The following HMGB1 variants were observed in gnomAD, a reference collection of about 807,000 sequenced individuals.
HMGB1 encodes the protein high mobility group box 1.
For synonymous variants in HMGB1, 81 were observed against 84.0 expected, an observed-to-expected ratio of 0.96 and a Z score of 0.19; for missense variants, 79 against 253.5, an observed-to-expected ratio of 0.31 and a Z score of 4.67.
In HMGB1 at chr13:30,539,088, G is replaced by A. The variant is rs187755354; in HGVS notation, c.-14-75394C>T. On this transcript the variant is annotated intron_variant, in intron 1 of 4. Coordinates refer to the HMGB1 transcript ENST00000405805. Reference sequence around the variant, plus strand: ...ATTTTTGTATTTTTAGTAGAGATGCGGTTTCACCATGTTGGCCTGGATGGT... The same window carrying A: ...ATTTTTGTATTTTTAGTAGAGATGCAGTTTCACCATGTTGGCCTGGATGGT... Among the ~76,000 whole-genome samples, 31 of 152,120 alleles carry A rather than the reference G, an allele frequency of 2.0e-4. No individual in the cohort carries two copies. In the East Asian group the frequency reaches 4.6e-3, roughly 23 times the overall value.
intron 1 of HMGB1, among the ~76,000 whole-genome samples, chr13:30,482,525 T>A (rs1221738640): frequency 6.6e-6 from 1 of 152,214 alleles, no homozygotes; most frequent in Non-Finnish European, 1.5e-5. Context: ...GGGTGTTATT[T>A]TCCTTATTTT....
At chr13:30,612,177 A>G (rs1368461196) in intron 1 of HMGB1, among the ~76,000 whole-genome samples, 6 of 152,218 alleles carry the variant, frequency 3.9e-5, no homozygotes, top group Non-Finnish European at 7.3e-5. Context: ...ATACACACAC[A>G]TACATGTATA....
chr13:30,588,704 G>C (rs555365690), intron 1 of HMGB1, among the ~76,000 whole-genome samples: 1 of 152,056 alleles, frequency 6.6e-6, no homozygotes, highest in Admixed American at 6.6e-5. Context: ...ATCACTTGAG[G>C]TCAAGAGTTT....
chr13:30,587,957 T>C (rs1871222716), intron 1 of HMGB1, among the ~76,000 whole-genome samples: 1 of 152,222 alleles, frequency 6.6e-6, no homozygotes, highest in Non-Finnish European at 1.5e-5. Context: ...TGGAAGGCTC[T>C]TCTTCAAACT....
intron 1 of HMGB1, among the ~76,000 whole-genome samples, chr13:30,544,594 G>A (rs139893100): frequency 6.6e-6 from 1 of 152,170 alleles, no homozygotes; most frequent in Admixed American, 6.5e-5. Flanking sequence ...TTCCTGGAAC[G>A]TGGTGCCCCT....
At chr13:30,465,938 C>T (rs561620937), upstream of HMGB1, 2 of 986,128 alleles carry the variant, frequency 2.0e-6, no homozygotes, top group East Asian at 1.1e-4. Context: ...TGTAACATTA[C>T]TCTCCAGCCA....
intron 1 of HMGB1, among the ~76,000 whole-genome samples, chr13:30,486,597 T>A (rs1887369255): frequency 6.6e-6 from 1 of 151,994 alleles, no homozygotes; most frequent in Non-Finnish European, 1.5e-5. Context: ...AAGAGAAAAA[T>A]AAAGCAGGGG....
chr13:30,531,062 C>G (rs960041141), intron 1 of HMGB1, among the ~76,000 whole-genome samples: 1 of 152,100 alleles, frequency 6.6e-6, no homozygotes, highest in Admixed American at 6.6e-5. Context: ...AAATAAAAAA[C>G]AAGTGCACAC....
At chr13:30,473,146 T>C (rs1399340085) in intron 1 of HMGB1, among the ~76,000 whole-genome samples, 4 of 152,120 alleles carry the variant, frequency 2.6e-5, no homozygotes, top group African/African-American at 9.7e-5. Flanking sequence ...TGTGTTCATG[T>C]ATGGAGAAGG....
rs185213168 is a variant in HMGB1 at position 30,478,596 on chromosome 13, A to G, written c.-14-14902T>C. ...TTTGAAAAAGAGTATGTATGAATCC[A>G]GAAAAGACTGAAAGAATATACTAAT... On this transcript the variant is annotated intron_variant, in intron 1 of 4. Transcript: ENST00000405805. 2.1e-4 allele frequency among the ~76,000 whole-genome samples: 32 copies of G among 152,380 alleles called. No individual in the cohort carries two copies. The East Asian group carries it at 6.2e-3, about 29-fold the overall frequency.
intron 1 of HMGB1, among the ~76,000 whole-genome samples, chr13:30,472,696 CA>C (rs1176525394): frequency 6.6e-6 from 1 of 152,120 alleles, no homozygotes; most frequent in East Asian, 1.9e-4. Flanking sequence ...TGATCTCTCC[CA>C]ATGCAATGAG....
At chr13:30,507,550 G>C (rs1400076859) in intron 1 of HMGB1, among the ~76,000 whole-genome samples, 1 of 152,172 alleles carries the variant, frequency 6.6e-6, no homozygotes, top group African/African-American at 2.4e-5. Context: ...CATTCCTGGG[G>C]TCTAAGGAAG....
At chr13:30,469,339 G>A (rs568641704), upstream of HMGB1, among the ~76,000 whole-genome samples, 4 of 152,236 alleles carry the variant, frequency 2.6e-5, no homozygotes, top group African/African-American at 7.2e-5. Flanking sequence ...GATAGGGGAC[G>A]TACCTCTTTT....
chr13:30,519,471 G>A (rs144627515), intron 1 of HMGB1, among the ~76,000 whole-genome samples: 7,605 of 151,086 alleles, frequency 0.05, 259 homozygotes, highest in Middle Eastern at 0.11. Flanking sequence ...CAAGGTGGGC[G>A]GATCACGAGG....
intron 1 of HMGB1, among the ~76,000 whole-genome samples, chr13:30,606,357 G>T (rs183710413): frequency 2.6e-5 from 4 of 152,176 alleles, no homozygotes; most frequent in African/African-American, 9.6e-5. Flanking sequence ...ACTCAACTGA[G>T]CAACTTTCAG....
At chr13:30,577,342 TAAA>T (rs5802577) in intron 1 of HMGB1, among the ~76,000 whole-genome samples, 8 of 128,204 alleles carry the variant, frequency 6.2e-5, no homozygotes, top group Admixed American at 7.9e-5. Flanking sequence ...CCAGTCTCTT[TAAA>T]AAAAAAAAAA....
In HMGB1 at chr13:30,559,162, G is replaced by A. The variant is rs978740626; in HGVS notation, c.-15+57509C>T. Among the ~76,000 whole-genome samples, 1 of 151,962 alleles carries A rather than the reference G, an allele frequency of 6.6e-6. No individual in the cohort carries two copies. Among genetic ancestry groups the A allele is most frequent in the East Asian group, 1.9e-4 (1 of 5,194 alleles). ...CAAATGTACCTGGGGTGGGGGGTGC[G>A]GGTGGAGGAAAAATTGCCCCTGTTG... On this transcript the variant is annotated intron_variant, in intron 1 of 4. Transcript: ENST00000405805. The surrounding 1 kb of genome is among the most constrained non-coding windows in gnomAD (Gnocchi z 6.6).
At chr13:30,568,256 C>T (rs1434092752) in intron 1 of HMGB1, among the ~76,000 whole-genome samples, 2 of 152,096 alleles carry the variant, frequency 1.3e-5, no homozygotes, top group Non-Finnish European at 2.9e-5. Context: ...TGTGTAGTCC[C>T]AGAACTTTGA....
chr13:30,468,898 G>A (rs906381017), upstream of HMGB1, among the ~76,000 whole-genome samples: 2 of 151,990 alleles, frequency 1.3e-5, no homozygotes, highest in South Asian at 4.1e-4. Context: ...TGTTGTTGTT[G>A]TTTTTGTTTT....
Sources: allele counts gnomAD v4.1 joint callset (sites outside exome capture counted in the v4.1 genomes callset), GRCh38; gene constraint gnomAD v4.1.1; non-coding constraint Gnocchi (gnomAD v3.1); transcripts MANE v1.5; gene names NCBI Gene and HGNC (gene_info 2026-07-23, HGNC 2026-07-21).